UBE2W: variants seen among roughly 807,000 people sequenced by gnomAD.
The protein encoded by UBE2W is ubiquitin-conjugating enzyme E2 W.
UBE2W carries 18 observed loss-of-function variants against 27.2 expected under a neutral mutation model. The ratio of observed to expected loss-of-function variants is 0.66; its 90% CI spans 0.46 to 0.98. The LOEUF is 0.98. Among genes scored for constraint, UBE2W ranks in the 50% least tolerant of loss-of-function variants. UBE2W has a pLI of 0.00. For synonymous variants in UBE2W, 53 were observed against 57.2 expected (o/e 0.93, Z 0.33); for missense variants, 90 against 180.2 (o/e 0.50, Z 2.87).
At chr8:73,835,668 C>T (rs1044955060) in intron 1 of UBE2W, among the ~76,000 whole-genome samples, 5 of 152,092 alleles carry the variant, frequency 3.3e-5, no homozygotes, top group South Asian at 4.2e-4. Flanking sequence ...TGCTTGTACC[C>T]GGGAGGCAGA....
Position 73,786,746 on chromosome 8 carries a change from G to C in UBE2W, c.*7356C>G, listed in dbSNP as rs1299079861. 1 of 985,254 alleles carries C rather than the reference G, an allele frequency of 1.0e-6. No individual in the cohort carries two copies. The highest frequency in any genetic ancestry group is 1.2e-6 in the Non-Finnish European group (1 of 829,920). 61.0% of individuals were successfully genotyped at this position (985,254 alleles called of 1,614,324 possible). A position where few individuals can be genotyped will look rare whatever the true frequency, so the allele number is the denominator to read the frequency against. ...TAGTGAAAGGCCCTAATGGTAAGGA[G>C]ACTGGAGAGAAGGTAGAAATCTCAG... On this transcript the variant is annotated 3_prime_UTR_variant, in exon 6 of 6. Transcript: ENST00000602593.
At chr8:73,820,748 AT>A in intron 3 of UBE2W, among the ~76,000 whole-genome samples, 1 of 76,170 alleles carries the variant, frequency 1.3e-5, no homozygotes, top group Non-Finnish European at 2.5e-5. Flanking sequence ...TCTCAAAAAA[AT>A]AAAAAACAAA....
In UBE2W at chr8:73,793,619, G is replaced by A; in HGVS notation, c.*483C>T. 1.0e-6 allele frequency: 1 copy of A among 986,442 alleles called. No individual in the cohort carries two copies. Among genetic ancestry groups the A allele is most frequent in the Middle Eastern group, 5.2e-4 (1 of 1,914 alleles). 61.1% of individuals were successfully genotyped at this position (986,442 alleles called of 1,614,324 possible). ...ATAAACAGTTGGGGTGACTTTTAAA[G>A]TAATGTTGGATCCCTCACTTTATTT... On this transcript the variant is annotated 3_prime_UTR_variant, in exon 6 of 6. Coordinates refer to ENST00000602593, the MANE Select transcript of UBE2W (RefSeq NM_018299.6).
intron 3 of UBE2W, among the ~76,000 whole-genome samples, chr8:73,814,122 G>A (rs964439473): frequency 2.6e-5 from 4 of 152,206 alleles, no homozygotes; most frequent in Non-Finnish European, 5.9e-5. Context: ...CATACTGTTA[G>A]CCATCCTCAT....
chr8:73,878,812 A>C lies in UBE2W; in HGVS notation c.11T>G (p.Met4Arg), dbSNP rs1255216096. The change falls in exon 1 of 6, where the codon ATG (methionine) becomes AGG (arginine). Residue 4 changes from methionine to arginine, a missense_variant. By Grantham distance (91) the Met-to-Arg change is moderately conservative. Transcript: ENST00000602593. MAS[M>R]QKRLQKELLA... ...GATGCAGCAAACTCCTCTCACCTGC[A>C]TTGACGCCATGATGGAACCATCCCC... is the stretch of plus-strand genomic sequence containing the variant. 1 of 1,551,048 alleles carries C rather than the reference A, an allele frequency of 6.4e-7. No individual in the cohort carries two copies. The highest frequency in any genetic ancestry group is 8.7e-7 in the Non-Finnish European group (1 of 1,146,634).
At chr8:73,870,827 GAAAAAAAA>G (rs60577226) in intron 1 of UBE2W, among the ~76,000 whole-genome samples, 2 of 99,520 alleles carry the variant, frequency 2.0e-5, no homozygotes, top group African/African-American at 7.1e-5. Context: ...TGAGTGAAAA[GAAAAAAAA>G]AAAAAAAAAA....
chr8:73,850,353 A>C (rs184578636), intron 1 of UBE2W, among the ~76,000 whole-genome samples: 1 of 152,298 alleles, frequency 6.6e-6, no homozygotes, highest in East Asian at 1.9e-4. Context: ...AAAACGGAAC[A>C]GACATGCCAT....
chr8:73,876,846 A>T (rs553051494), intron 1 of UBE2W, among the ~76,000 whole-genome samples: 1 of 152,296 alleles, frequency 6.6e-6, no homozygotes, highest in East Asian at 1.9e-4. Context: ...TCATGCCTGT[A>T]ATCCCAGCTA....
chr8:73,832,241 C>A (rs996880382), intron 1 of UBE2W, among the ~76,000 whole-genome samples: 1 of 151,834 alleles, frequency 6.6e-6, no homozygotes, highest in Non-Finnish European at 1.5e-5. Flanking sequence ...GCCAAGGCTG[C>A]AGTGAACTAT....
chr8:73,874,213 C>T (rs547734108), intron 1 of UBE2W, among the ~76,000 whole-genome samples: 4 of 152,198 alleles, frequency 2.6e-5, no homozygotes, highest in African/African-American at 7.2e-5. Flanking sequence ...GGGCGGATCA[C>T]GAGGTCAGGA....
chr8:73,848,123 C>T (rs1810897301), intron 1 of UBE2W, among the ~76,000 whole-genome samples: 2 of 151,878 alleles, frequency 1.3e-5, no homozygotes, highest in African/African-American at 4.8e-5. Flanking sequence ...ATCGCTTGAA[C>T]CCGGGAGGCC....
intron 4 of UBE2W, among the ~76,000 whole-genome samples, chr8:73,808,004 A>G (rs1190050643): frequency 6.6e-6 from 1 of 152,200 alleles, no homozygotes; most frequent in East Asian, 1.9e-4. Flanking sequence ...TCTTTAATCC[A>G]CTACAATCTA....
Position 73,786,762 on chromosome 8 carries a change from G to A in UBE2W, c.*7340C>T, listed in dbSNP as rs1417417633. ...TGGTAAGGAGACTGGAGAGAAGGTA[G>A]AAATCTCAGAGACATTTTAAAGTTA... On this transcript the variant is annotated 3_prime_UTR_variant, in exon 6 of 6. Coordinates refer to ENST00000602593, the MANE Select transcript of UBE2W (RefSeq NM_018299.6). 1.0e-6 allele frequency: 1 copy of A among 985,298 alleles called. No individual in the cohort carries two copies. Among genetic ancestry groups the A allele is most frequent in the Non-Finnish European group, 1.2e-6 (1 of 829,916 alleles). The allele number at this position is 985,298 out of a possible 1,614,324, so 61.0% of individuals were successfully genotyped here. A position where few individuals can be genotyped will look rare whatever the true frequency, so the allele number is the denominator to read the frequency against.
In UBE2W at chr8:73,856,357, A is replaced by ATTTTT. The variant is rs34593904; in HGVS notation, c.15+22446_15+22450dup. Among the ~76,000 whole-genome samples, 179 of 89,334 alleles carry ATTTTT rather than the reference A, an allele frequency of 2.0e-3. 3 individuals are homozygous for ATTTTT. Among genetic ancestry groups the ATTTTT allele is most frequent in the Non-Finnish European group, 2.4e-3 (122 of 50,332 alleles). 58.6% of individuals were successfully genotyped at this position (89,334 alleles called of 152,430 possible). ...ATAGACAAATTATATACACTTATGA[A>ATTTTT]TTTTTTTTTTTTTTTTTTTTTTTTG... is the stretch of plus-strand genomic sequence containing the variant. On this transcript the variant is annotated intron_variant, in intron 1 of 5. Coordinates refer to ENST00000602593, the MANE Select transcript of UBE2W (RefSeq NM_018299.6).
intron 3 of UBE2W, among the ~76,000 whole-genome samples, chr8:73,822,783 C>CA (rs57617416): frequency 0.034 from 5,183 of 150,822 alleles, 245 homozygotes; most frequent in African/African-American, 0.11. Flanking sequence ...GACGCTGTCT[C>CA]AAAAAAAACA....
At chr8:73,873,845 G>A (rs773426260) in intron 1 of UBE2W, among the ~76,000 whole-genome samples, 8 of 152,090 alleles carry the variant, frequency 5.3e-5, no homozygotes, top group Non-Finnish European at 8.8e-5. Context: ...AATTTCACAA[G>A]GGTAATTCAA....
In UBE2W at chr8:73,792,986, AT is replaced by A; in HGVS notation, c.*1115del. 1 of 985,566 alleles carries A rather than the reference AT, an allele frequency of 1.0e-6. No individual in the cohort carries two copies. Among genetic ancestry groups the A allele is most frequent in the Non-Finnish European group, 1.2e-6 (1 of 829,642 alleles). 61.1% of individuals were successfully genotyped at this position (985,566 alleles called of 1,614,324 possible). On this transcript the variant is annotated 3_prime_UTR_variant, in exon 6 of 6. Coordinates refer to ENST00000602593, the MANE Select transcript of UBE2W (RefSeq NM_018299.6). ...AACATTAAGCCTCTGTCAAAAATGTATTTCTTATTTTAGGGTACAGGATTAA... is the reference window on the plus strand; with the variant it reads ...AACATTAAGCCTCTGTCAAAAATGTATTCTTATTTTAGGGTACAGGATTAA...
At chr8:73,845,611 T>C (rs1005670036) in intron 1 of UBE2W, among the ~76,000 whole-genome samples, 1 of 151,958 alleles carries the variant, frequency 6.6e-6, no homozygotes, top group Non-Finnish European at 1.5e-5. Flanking sequence ...CCAGAGACCT[T>C]TGTTCACATG....
chr8:73,851,347 A>G (rs1811070286), intron 1 of UBE2W, among the ~76,000 whole-genome samples: 1 of 152,008 alleles, frequency 6.6e-6, no homozygotes, highest in Non-Finnish European at 1.5e-5. Context: ...AAAGGTGGTG[A>G]TAAATGAAAT....
Sources: allele counts gnomAD v4.1 joint callset (sites outside exome capture counted in the v4.1 genomes callset), GRCh38; gene constraint gnomAD v4.1.1; transcripts MANE v1.5; gene names NCBI Gene and HGNC (gene_info 2026-07-23, HGNC 2026-07-21).